The following GCA variants were observed in gnomAD, a reference collection of about 807,000 sequenced individuals.
The protein encoded by GCA is grancalcin, EF-hand calcium-binding protein.
GCA carries 30 observed loss-of-function variants against 32.6 expected under a neutral mutation model. The ratio of observed to expected loss-of-function variants is 0.92; its 90% CI spans 0.69 to 1.25. The LOEUF (loss-of-function observed/expected upper bound fraction) is 1.25. Among genes scored for constraint, GCA ranks in the 50% most tolerant of loss-of-function variants. The pLI is 0.00. For synonymous variants in GCA, 102 were observed against 84.6 expected (o/e 1.21, Z -1.13); for missense variants, 291 against 266.8 (o/e 1.09, Z -0.63).
At chr2:162,363,491 A>C (rs76165360), downstream of GCA, among the ~76,000 whole-genome samples, 5 of 151,390 alleles carry the variant, frequency 3.3e-5, no homozygotes, top group Non-Finnish European at 7.4e-5. Flanking sequence ...AGAACTGGTA[A>C]ATATTTAGAA....
chr2:162,323,720 G>A (rs539662877), intron 1 of GCA, among the ~76,000 whole-genome samples: 1 of 151,796 alleles, frequency 6.6e-6, no homozygotes, highest in African/African-American at 2.4e-5. Flanking sequence ...GATAGTTGTA[G>A]ATATGTGGCA....
chr2:162,339,299 C>A (rs1042733554), upstream of GCA, among the ~76,000 whole-genome samples: 3 of 151,710 alleles, frequency 2.0e-5, no homozygotes, highest in African/African-American at 7.3e-5. Flanking sequence ...TTCATTATTC[C>A]ATATTAAAAA....
upstream of GCA, among the ~76,000 whole-genome samples, chr2:162,340,546 A>C (rs190124088): frequency 6.6e-6 from 1 of 152,170 alleles, no homozygotes; most frequent in Non-Finnish European, 1.5e-5. Flanking sequence ...TCTGTTGTCA[A>C]CAGCTGAAAG....
chr2:162,359,502 A>T lies in GCA; in HGVS notation c.577A>T (p.Arg193Trp), dbSNP rs1406813775. Residue 193 changes from arginine (R) to tryptophan (W), a missense_variant, in exon 7 of 8, where the codon AGG (arginine) becomes TGG (tryptophan). Transcript: ENST00000437150. Reference protein sequence around the residue: ...VKLRALTDFFRKRDHLQQGSA... With the variant: ...VKLRALTDFFWKRDHLQQGSA... ...AATTTCTTTGTTTAAAGATTTCTTT[A>T]GGAAAAGAGACCACTTGCAACAAGG... 2.0e-6 allele frequency: 3 copies of T among 1,498,396 alleles called. No individual in the cohort carries two copies. 92.8% of individuals were successfully genotyped at this position (1,498,396 alleles called of 1,614,324 possible).
At chr2:162,348,943 T>TAA (rs1345467136) in intron 2 of GCA, among the ~76,000 whole-genome samples, 1 of 152,000 alleles carries the variant, frequency 6.6e-6, no homozygotes, top group Non-Finnish European at 1.5e-5. Flanking sequence ...AATTAATTGA[T>TAA]AAATAATATA....
At position 162,347,745 on chromosome 2, in the gene GCA, G is replaced by GA; in HGVS notation, c.192+4dup. The GA allele has an allele frequency of 2.0e-6, 3 of 1,491,614 alleles. No homozygotes were observed. Among genetic ancestry groups the GA allele is most frequent in the Non-Finnish European group, 2.7e-6 (3 of 1,107,218 alleles). 92.4% of individuals were successfully genotyped at this position (1,491,614 alleles called of 1,614,324 possible). ...ACTTCAGTGCTGTTGCTGGACAGGTGAGATGCTAAATTTATTGCATAAATA... is the reference window on the plus strand; with the variant it reads ...ACTTCAGTGCTGTTGCTGGACAGGTGAAGATGCTAAATTTATTGCATAAATA... On this transcript the variant is annotated splice_donor_region_variant and intron_variant, in intron 2 of 7. Transcript: ENST00000437150.
At chr2:162,344,315 G>T in intron 1 of GCA, 40 bp downstream of exon 1, 1 of 1,605,740 alleles carries the variant, frequency 6.2e-7, no homozygotes, top group Non-Finnish European at 8.5e-7. Flanking sequence ...CTTCCTCGCG[G>T]GGTGTGGCGC....
intron 3 of GCA, among the ~76,000 whole-genome samples, chr2:162,354,848 G>A (rs1685184074): frequency 6.6e-6 from 1 of 152,062 alleles, no homozygotes; most frequent in Non-Finnish European, 1.5e-5. Flanking sequence ...ATGGGCTATG[G>A]GGAGGAAGTG....
chr2:162,354,440 T>C (rs1282059167), intron 3 of GCA, among the ~76,000 whole-genome samples: 1 of 152,206 alleles, frequency 6.6e-6, no homozygotes, highest in Non-Finnish European at 1.5e-5. Context: ...GTCTCAGCTC[T>C]GGTATCTTAC....
intron 1 of GCA, among the ~76,000 whole-genome samples, chr2:162,326,437 A>C (rs1683881731): frequency 6.6e-6 from 1 of 152,206 alleles, no homozygotes; most frequent in Non-Finnish European, 1.5e-5. Context: ...GAGGAGTATA[A>C]GCTGAGGGTG....
In GCA at chr2:162,361,888, C is replaced by G; in HGVS notation, c.*1645C>G. 1 of 984,188 alleles carries G rather than the reference C, an allele frequency of 1.0e-6. No homozygotes were observed. The highest frequency in any genetic ancestry group is 1.2e-6 in the Non-Finnish European group (1 of 829,002). 61.0% of individuals were successfully genotyped at this position (984,188 alleles called of 1,614,324 possible). On this transcript the variant is annotated 3_prime_UTR_variant, in exon 8 of 8. Coordinates refer to ENST00000437150, the MANE Select transcript of GCA (RefSeq NM_012198.5). Reference sequence around the variant, plus strand: ...ATAATGTCGCTCAGCAACCTGTAATCTTAACATCCAGGTTATACAGATGGT... The same window carrying G: ...ATAATGTCGCTCAGCAACCTGTAATGTTAACATCCAGGTTATACAGATGGT...
At chr2:162,338,841 T>C (rs11688954) in intron 1 of GCA, among the ~76,000 whole-genome samples, 184 of 152,244 alleles carry the variant, frequency 1.2e-3, no homozygotes, top group Middle Eastern at 3.4e-3. Flanking sequence ...TCTCAAGAAG[T>C]TTTCATTGAG....
At chr2:162,366,653 ACAT>A (rs1685759183), downstream of GCA, among the ~76,000 whole-genome samples, 1 of 151,982 alleles carries the variant, frequency 6.6e-6, no homozygotes, top group African/African-American at 2.4e-5. Context: ...AAGTGGTTTA[ACAT>A]CACATCGTAA....
At chr2:162,367,501 AC>A, downstream of GCA, among the ~76,000 whole-genome samples, 1 of 152,084 alleles carries the variant, frequency 6.6e-6, no homozygotes, top group Admixed American at 6.6e-5. Context: ...TACTTTACAT[AC>A]TTGGCATGTA....
rs770414768 is a variant in GCA at position 162,361,594 on chromosome 2, TAAAA to T, written c.*1355_*1358del. On this transcript the variant is annotated 3_prime_UTR_variant, in exon 8 of 8. Coordinates refer to ENST00000437150, the MANE Select transcript of GCA (RefSeq NM_012198.5). ...ACAGAATTTTAAATCAGCCTTCACTTAAAAAAATCCTGGAAAGGAAGTAACGCAT... is the reference window on the plus strand; with the variant it reads ...ACAGAATTTTAAATCAGCCTTCACTTAAATCCTGGAAAGGAAGTAACGCAT... 2.0e-6 allele frequency: 2 copies of T among 982,444 alleles called. No individual in the cohort carries two copies. The highest frequency in any genetic ancestry group is 2.4e-6 in the Non-Finnish European group (2 of 827,410). The allele number at this position is 982,444 out of a possible 1,614,324, so 60.9% of individuals were successfully genotyped here.
At chr2:162,367,580 T>C (rs1685794246), downstream of GCA, among the ~76,000 whole-genome samples, 1 of 152,002 alleles carries the variant, frequency 6.6e-6, no homozygotes, top group Non-Finnish European at 1.5e-5. Context: ...TTGTAAATAG[T>C]ATTACTTTAA....
chr2:162,347,353 T>C (rs1032670005), intron 1 of GCA, among the ~76,000 whole-genome samples: 2 of 152,204 alleles, frequency 1.3e-5, no homozygotes, highest in Non-Finnish European at 2.9e-5. Context: ...AACTTTCTTT[T>C]TTCTTTTATA....
At chr2:162,344,708 A>G (rs1318458459) in intron 1 of GCA, among the ~76,000 whole-genome samples, 1 of 151,996 alleles carries the variant, frequency 6.6e-6, no homozygotes, top group Non-Finnish European at 1.5e-5. Context: ...TGTACGGTAA[A>G]TAACTCCTAA....
upstream of GCA, chr2:162,318,835 A>AT: frequency 1.1e-5 from 2 of 182,430 alleles, no homozygotes; most frequent in Non-Finnish European, 1.2e-5. Flanking sequence ...CGGGAAACAG[A>AT]AAAGGAAAGC....
Sources: gnomAD v4.1 joint callset for allele counts (sites outside exome capture counted in the v4.1 genomes callset) on GRCh38, gnomAD v4.1.1 for gene constraint, MANE v1.5 for transcripts, NCBI Gene and HGNC (gene_info 2026-07-23, HGNC 2026-07-21) for gene names.